Variants in GRM8 observed in about 807,000 individuals in gnomAD.
GRM8 encodes the protein glutamate metabotropic receptor 8.
A neutral mutation model predicts 87.2 loss-of-function variants in GRM8; 47 were observed. That is an observed-to-expected ratio of 0.54 (90% CI 0.43 to 0.69). The LOEUF is 0.69. Among genes scored for constraint, GRM8 ranks in the 30% least tolerant of loss-of-function variants. The probability of loss-of-function intolerance (pLI) is 0.00; values close to 1 mark genes in which losing one functional copy is unlikely to be tolerated. For synonymous variants in GRM8, 396 were observed against 404.5 expected, an observed-to-expected ratio of 0.98 and a Z score of 0.25; for missense variants, 1,019 against 1,139.2, an observed-to-expected ratio of 0.89 and a Z score of 1.52.
At position 126,533,295 on chromosome 7, in the gene GRM8, A is replaced by G. The variant is rs1180140998; in HGVS notation, c.2087T>C (p.Leu696Pro). ...GGAGATGAGGCTGAAGGTGATCACC[A>G]GCTGAGATGCTGGACTAATGAACTT... The part of the protein sequence containing the change: ...APKFISPASQ[L>P]VITFSLISVQ... Residue 696 changes from leucine (L) to proline (P), a missense_variant, in exon 9 of 11, where the codon CTG (leucine) becomes CCG (proline). Transcript: ENST00000339582. The G allele has an allele frequency of 1.2e-6, 2 of 1,613,814 alleles. No homozygotes were observed. The highest frequency in any genetic ancestry group is 1.7e-6 in the Non-Finnish European group (2 of 1,179,942).
At chr7:126,825,444 C>A (rs1794676166) in intron 6 of GRM8, among the ~76,000 whole-genome samples, 1 of 152,118 alleles carries the variant, frequency 6.6e-6, no homozygotes. Context: ...ACCTAACTAA[C>A]AATGAGGAAA....
intron 6 of GRM8, among the ~76,000 whole-genome samples, chr7:126,886,277 T>C (rs1160663819): frequency 1.3e-5 from 2 of 152,162 alleles, no homozygotes; most frequent in East Asian, 3.9e-4. Context: ...TGAAATTTCA[T>C]GTTAGCAAAA....
intron 6 of GRM8, among the ~76,000 whole-genome samples, chr7:126,825,295 T>C (rs1033398412): frequency 2.0e-4 from 30 of 152,180 alleles, no homozygotes; most frequent in African/African-American, 7.2e-4. Flanking sequence ...CTCAATCTCC[T>C]GACCTTGTGA....
chr7:126,632,065 A>T (rs1210623816), intron 7 of GRM8, among the ~76,000 whole-genome samples: 3 of 152,330 alleles, frequency 2.0e-5, no homozygotes, highest in Non-Finnish European at 4.4e-5. Context: ...TCTGCACAGC[A>T]AACAAAACTA....
At chr7:126,995,799 T>C (rs1813125418) in intron 3 of GRM8, among the ~76,000 whole-genome samples, 1 of 152,098 alleles carries the variant, frequency 6.6e-6, no homozygotes, top group African/African-American at 2.4e-5. Context: ...AGCAAGTTTA[T>C]TCAATGGGAT....
chr7:126,756,429 T>G (rs1211602661), intron 7 of GRM8, among the ~76,000 whole-genome samples: 1 of 152,002 alleles, frequency 6.6e-6, no homozygotes. Flanking sequence ...TGGGCTTCAT[T>G]AAAATGAAAA....
intron 6 of GRM8, among the ~76,000 whole-genome samples, chr7:126,812,157 A>C (rs950966786): frequency 2.0e-5 from 3 of 152,080 alleles, no homozygotes; most frequent in Non-Finnish European, 4.4e-5. Context: ...AGAAAAAATA[A>C]TACAAATAAA....
intron 3 of GRM8, among the ~76,000 whole-genome samples, chr7:127,039,925 G>A (rs1418591068): frequency 2.1e-5 from 1 of 48,208 alleles, no homozygotes; most frequent in Non-Finnish European, 4.1e-5. Context: ...GAAGGGGAAG[G>A]GAGGGGGAAG....
intron 3 of GRM8, among the ~76,000 whole-genome samples, chr7:127,077,310 A>C (rs1047774592): frequency 6.6e-6 from 1 of 152,168 alleles, no homozygotes; most frequent in Admixed American, 6.5e-5. Flanking sequence ...GTTCTTTCCC[A>C]TGTAACCCAG....
chr7:127,142,128 C>T (rs1479135106), intron 2 of GRM8, among the ~76,000 whole-genome samples: 1 of 151,880 alleles, frequency 6.6e-6, no homozygotes, highest in Non-Finnish European at 1.5e-5. Context: ...TATGCACCAC[C>T]ATGCACACCT....
intron 8 of GRM8, among the ~76,000 whole-genome samples, chr7:126,551,427 T>A (rs986880065): frequency 3.9e-5 from 6 of 152,188 alleles, no homozygotes; most frequent in African/African-American, 1.4e-4. Context: ...TTAATATTTT[T>A]TGACTTGTCT....
At chr7:126,965,150 G>T (rs560206913) in intron 3 of GRM8, among the ~76,000 whole-genome samples, 10 of 152,136 alleles carry the variant, frequency 6.6e-5, no homozygotes, top group Admixed American at 1.3e-4. Context: ...CACATACCAG[G>T]TCCTGTCAGG....
intron 3 of GRM8, among the ~76,000 whole-genome samples, chr7:126,966,298 T>C (rs1204584): frequency 0.39 from 59,653 of 151,714 alleles, 11,971 homozygotes; most frequent in East Asian, 0.66. Flanking sequence ...CCACACCCAG[T>C]TAATTTTTGT....
rs144859432 is a variant in GRM8, at chr7:126,604,544, T to G, written c.1494+4818A>C. Among the ~76,000 whole-genome samples, 18 of 152,230 alleles carry G rather than the reference T, an allele frequency of 1.2e-4. No individual in the cohort carries two copies. In the East Asian group the frequency reaches 3.5e-3, roughly 29 times the overall value. On this transcript the variant is annotated intron_variant, in intron 8 of 10. Transcript: ENST00000339582. Reference sequence around the variant, plus strand: ...AATACTTAATATGTACCAGTCAATGTTCTAGGATTTTTGTACATGCAATTT... The same window carrying G: ...AATACTTAATATGTACCAGTCAATGGTCTAGGATTTTTGTACATGCAATTT...
chr7:126,823,958 T>TTG (rs144648223), intron 6 of GRM8, among the ~76,000 whole-genome samples: 6 of 151,994 alleles, frequency 3.9e-5, no homozygotes, highest in Non-Finnish European at 5.9e-5. Flanking sequence ...GATAATGTGT[T>TTG]TGTGTGTGTG....
At chr7:126,599,597 G>T (rs967984887) in intron 8 of GRM8, among the ~76,000 whole-genome samples, 3 of 151,992 alleles carry the variant, frequency 2.0e-5, no homozygotes, top group Non-Finnish European at 2.9e-5. Flanking sequence ...CATCTATCAG[G>T]CATCTAACTA....
At chr7:127,176,315 A>T (rs1349435183) in intron 2 of GRM8, among the ~76,000 whole-genome samples, 1 of 152,248 alleles carries the variant, frequency 6.6e-6, no homozygotes, top group Non-Finnish European at 1.5e-5. Context: ...TGAACATGGT[A>T]GATATTTATA....
At chr7:126,508,251 GCACA>G (rs10609479) in intron 9 of GRM8, among the ~76,000 whole-genome samples, 12 of 150,244 alleles carry the variant, frequency 8.0e-5, no homozygotes, top group South Asian at 6.3e-4. Flanking sequence ...ACACACACTG[GCACA>G]CACACACACA....
intron 3 of GRM8, among the ~76,000 whole-genome samples, chr7:127,013,089 G>T (rs1229840639): frequency 6.6e-6 from 1 of 152,120 alleles, no homozygotes; most frequent in African/African-American, 2.4e-5. Flanking sequence ...CCTTGTGGTT[G>T]AAACCACTTT....
Sources: allele counts gnomAD v4.1 joint callset (sites outside exome capture counted in the v4.1 genomes callset), GRCh38; gene constraint gnomAD v4.1.1; transcripts MANE v1.5; gene names NCBI Gene and HGNC (gene_info 2026-07-23, HGNC 2026-07-21).